Variants in TMPRSS13 observed in about 807,000 individuals in gnomAD.
TMPRSS13 encodes the protein transmembrane serine protease 13, also known as transmembrane protease serine 13.
In TMPRSS13, 50 loss-of-function variants were observed where a neutral mutation model predicts 68.4. The ratio of observed to expected loss-of-function variants is 0.73; its 90% confidence interval spans 0.58 to 0.93. The LOEUF is 0.93. Ranked by LOEUF, TMPRSS13 falls within the 40% of genes least tolerant of loss-of-function variation. TMPRSS13 has a pLI of 0.00. For synonymous variants in TMPRSS13, 267 were observed against 285.8 expected (o/e 0.93, Z 0.66); for missense variants, 615 against 729.2 (o/e 0.84, Z 1.80).
Position 117,903,979 on chromosome 11 carries a change from C to G in TMPRSS13, c.1504G>C (p.Gly502Arg), listed in dbSNP as rs770541831. Residue 502 changes from glycine (G) to arginine (R), a missense_variant, in exon 11 of 13, where the codon GGG becomes CGG. Physicochemically the swap from Gly to Arg is moderately radical, Grantham distance 125 (BLOSUM62 -2). Coordinates refer to ENST00000524993, the MANE Select transcript of TMPRSS13 (RefSeq NM_001077263.3). ...PRMMCAGDLR[G>R]GRDSCQGDSG... is the part of the protein sequence containing the mutation. ...CTCACCTGGCAGGAGTCTCTGCCCC[C>G]ACGAAGGTCCCCAGCACACATCATC... The G allele has an allele frequency of 6.2e-7, 1 of 1,612,528 alleles. No individual in the cohort carries two copies. The highest frequency in any genetic ancestry group is 8.5e-7 in the Non-Finnish European group (1 of 1,179,334).
intron 5 of TMPRSS13, among the ~76,000 whole-genome samples, chr11:117,913,560 C>T (rs1005140574): frequency 3.9e-5 from 6 of 152,146 alleles, no homozygotes; most frequent in Admixed American, 6.5e-5. Context: ...CAGATCTATA[C>T]ATCATTATGT....
intron 6 of TMPRSS13, 101 bp from the exon 7 acceptor site, chr11:117,910,851 G>C: frequency 9.2e-7 from 1 of 1,091,004 alleles, no homozygotes; most frequent in Admixed American, 2.3e-5. Context: ...CTGTTTCCAA[G>C]GAAGCTACCC....
intron 10 of TMPRSS13, 90 bp downstream of exon 10, chr11:117,905,548 G>C (rs777493852): frequency 2.3e-4 from 264 of 1,149,190 alleles, no homozygotes; most frequent in Non-Finnish European, 2.6e-5. Context: ...GCCTTCATCT[G>C]TATACCCAGA....
At chr11:117,925,613 C>T (rs919161309) in intron 1 of TMPRSS13, among the ~76,000 whole-genome samples, 4 of 151,954 alleles carry the variant, frequency 2.6e-5, no homozygotes, top group African/African-American at 9.7e-5. Flanking sequence ...TGCTTCCCTC[C>T]TAGGGAAACC....
At chr11:117,927,874 TA>T (rs1438342587) in intron 1 of TMPRSS13, among the ~76,000 whole-genome samples, 1 of 152,210 alleles carries the variant, frequency 6.6e-6, no homozygotes, top group Admixed American at 6.5e-5. Flanking sequence ...GCACCTATCA[TA>T]ATATTTGACA....
At chr11:117,911,214 C>T in intron 6 of TMPRSS13, among the ~76,000 whole-genome samples, 1 of 152,194 alleles carries the variant, frequency 6.6e-6, no homozygotes, top group Middle Eastern at 3.2e-3. Flanking sequence ...CTTCTCTCCC[C>T]TCCGTAGGGC....
At chr11:117,919,619 C>G (rs1296579823) in intron 1 of TMPRSS13, among the ~76,000 whole-genome samples, 1 of 152,260 alleles carries the variant, frequency 6.6e-6, no homozygotes, top group Non-Finnish European at 1.5e-5. Flanking sequence ...GGGGGAATTC[C>G]CATAAGCCGG....
chr11:117,924,667 T>C (rs1591632500), intron 1 of TMPRSS13, among the ~76,000 whole-genome samples: 1 of 152,130 alleles, frequency 6.6e-6, no homozygotes, highest in African/African-American at 2.4e-5. Context: ...GCCTGAACCC[T>C]TCCCAGCGAG....
chr11:117,905,788 T>C, intron 9 of TMPRSS13, 52 bp from the exon 10 acceptor site: 2 of 1,447,078 alleles, frequency 1.4e-6, no homozygotes, highest in Non-Finnish European at 1.9e-6. Flanking sequence ...AGACTTTCAG[T>C]AGGGGGAGGG....
At chr11:117,918,382 G>T (rs777372444) in intron 2 of TMPRSS13, 27 bp downstream of exon 2, 1 of 1,606,342 alleles carries the variant, frequency 6.2e-7, no homozygotes, top group Non-Finnish European at 8.5e-7. Context: ...CCCATCTCTC[G>T]TGGCTTCCCT....
chr11:117,920,643 C>A (rs2057635733), intron 1 of TMPRSS13, among the ~76,000 whole-genome samples: 1 of 152,108 alleles, frequency 6.6e-6, no homozygotes, highest in Non-Finnish European at 1.5e-5. Flanking sequence ...CACCCGCCAC[C>A]ACACCCGGTT....
chr11:117,905,798 GAGA>G, intron 9 of TMPRSS13, 62 bp from the exon 10 acceptor site: 1 of 1,370,228 alleles, frequency 7.3e-7, no homozygotes, highest in Non-Finnish European at 1.0e-6. Context: ...TAGGGGGAGG[GAGA>G]AGGAGCACAA....
intron 1 of TMPRSS13, among the ~76,000 whole-genome samples, chr11:117,921,883 G>C (rs917097369): frequency 6.6e-6 from 1 of 152,070 alleles, no homozygotes; most frequent in African/African-American, 2.4e-5. Flanking sequence ...GGATGGAAGG[G>C]CAGCCCCCAG....
At chr11:117,908,805 C>T (rs747140957) in intron 8 of TMPRSS13, 21 bp from the exon 9 acceptor site, 30 of 1,581,348 alleles carry the variant, frequency 1.9e-5, no homozygotes, top group Non-Finnish European at 2.1e-5. Flanking sequence ...CACAAAGGAG[C>T]GTGGTCCAGT....
intron 8 of TMPRSS13, 24 bp from the exon 9 acceptor site, chr11:117,908,808 G>A: frequency 1.9e-6 from 3 of 1,572,572 alleles, no homozygotes; most frequent in Non-Finnish European, 1.7e-6. Context: ...AAAGGAGCGT[G>A]GTCCAGTACC....
chr11:117,912,588 C>A (rs771651598), intron 5 of TMPRSS13, among the ~76,000 whole-genome samples: 1 of 152,220 alleles, frequency 6.6e-6, no homozygotes, highest in African/African-American at 2.4e-5. Context: ...TACACCCCTG[C>A]GTGACGCCCT....
chr11:117,921,025 C>A (rs144695596), intron 1 of TMPRSS13, among the ~76,000 whole-genome samples: 1 of 152,322 alleles, frequency 6.6e-6, no homozygotes, highest in Non-Finnish European at 1.5e-5. Flanking sequence ...ACAAAGATAA[C>A]AGCCCACGAG....
At chr11:117,923,834 T>TA (rs2057670884) in intron 1 of TMPRSS13, among the ~76,000 whole-genome samples, 1 of 46,942 alleles carries the variant, frequency 2.1e-5, no homozygotes, top group Non-Finnish European at 5.1e-5. Context: ...TAAAGTATAA[T>TA]AATTAAAAAA....
chr11:117,912,589 G>A (rs969886040), intron 5 of TMPRSS13, among the ~76,000 whole-genome samples: 29 of 152,188 alleles, frequency 1.9e-4, no homozygotes, highest in Admixed American at 5.9e-4. Flanking sequence ...ACACCCCTGC[G>A]TGACGCCCTG....
Sources: allele counts gnomAD v4.1 joint callset (sites outside exome capture counted in the v4.1 genomes callset), GRCh38; gene constraint gnomAD v4.1.1; transcripts MANE v1.5; gene names NCBI Gene and HGNC (gene_info 2026-07-23, HGNC 2026-07-21).